The following SYNPR variants were observed in gnomAD, a reference collection of about 807,000 sequenced individuals.
SYNPR encodes synaptoporin.
Under a neutral mutation model 32.9 loss-of-function variants are expected in SYNPR, and 23 were observed. The ratio of observed to expected loss-of-function variants is 0.70; its 90% confidence interval spans 0.50 to 0.99. The LOEUF (loss-of-function observed/expected upper bound fraction) is 0.99. SYNPR is among the 50% of genes least tolerant of loss of function. SYNPR has a pLI of 0.00. For synonymous variants in SYNPR, 146 were observed against 135.9 expected, an observed-to-expected ratio of 1.07 and a Z score of -0.52; for missense variants, 318 against 349.3, an observed-to-expected ratio of 0.91 and a Z score of 0.71.
intron 2 of SYNPR, among the ~76,000 whole-genome samples, chr3:63,334,781 C>T (rs2106989431): frequency 6.6e-6 from 1 of 152,218 alleles, no homozygotes; most frequent in East Asian, 1.9e-4. Context: ...TTTGTAGCTA[C>T]TAAAATTATT....
At chr3:63,392,448 A>AT (rs1271520774) in intron 2 of SYNPR, among the ~76,000 whole-genome samples, 1 of 152,156 alleles carries the variant, frequency 6.6e-6, no homozygotes, top group African/African-American at 2.4e-5. Context: ...GTGTGTGTGC[A>AT]TTTTTTTATG....
intron 3 of SYNPR, among the ~76,000 whole-genome samples, chr3:63,492,313 T>C (rs1369009815): frequency 2.6e-5 from 4 of 152,110 alleles, no homozygotes; most frequent in Non-Finnish European, 5.9e-5. Context: ...CTCAGTTTCC[T>C]ACAAAATGAG....
At chr3:63,365,234 C>A (rs1461831860) in intron 2 of SYNPR, among the ~76,000 whole-genome samples, 3 of 152,070 alleles carry the variant, frequency 2.0e-5, no homozygotes, top group African/African-American at 7.2e-5. Flanking sequence ...CAGACTCTAC[C>A]AAATGACATC....
intron 2 of SYNPR, among the ~76,000 whole-genome samples, chr3:63,305,818 C>T (rs990810022): frequency 6.6e-6 from 1 of 151,972 alleles, no homozygotes. Context: ...GATAACTTAT[C>T]CTGGATTGCC....
chr3:63,240,048 A>G (rs1334481462), intron 1 of SYNPR, among the ~76,000 whole-genome samples: 1 of 152,144 alleles, frequency 6.6e-6, no homozygotes, highest in East Asian at 1.9e-4. Flanking sequence ...ATTATATGTG[A>G]GACAGGGGAG....
chr3:63,299,495 G>A (rs1016801507), intron 2 of SYNPR, among the ~76,000 whole-genome samples: 1 of 151,986 alleles, frequency 6.6e-6, no homozygotes, highest in African/African-American at 2.4e-5. Flanking sequence ...CACAGTTCGA[G>A]GGCCCAGTGC....
At chr3:63,223,535 C>T (rs376388129), upstream of SYNPR, among the ~76,000 whole-genome samples, 408 of 152,106 alleles carry the variant, frequency 2.7e-3, 1 homozygote, top group African/African-American at 3.4e-3. Context: ...AACAGACTAT[C>T]GCCATGGTTT....
intron 2 of SYNPR, among the ~76,000 whole-genome samples, chr3:63,354,219 T>G (rs552488501): frequency 1.3e-5 from 2 of 152,324 alleles, no homozygotes; most frequent in African/African-American, 4.8e-5. Flanking sequence ...ATTGCTTGCA[T>G]AAATAAGGGG....
intron 2 of SYNPR, among the ~76,000 whole-genome samples, chr3:63,338,675 G>C (rs1022285703): frequency 3.9e-5 from 6 of 152,130 alleles, no homozygotes; most frequent in Admixed American, 3.9e-4. Flanking sequence ...AAAAGCTGCA[G>C]CTCAAGAGAT....
chr3:63,339,877 G>A (rs1197607896), intron 2 of SYNPR, among the ~76,000 whole-genome samples: 6 of 152,050 alleles, frequency 3.9e-5, no homozygotes, highest in African/African-American at 1.4e-4. Context: ...GGCTGGTCTC[G>A]AACTCCTGAC....
At chr3:63,506,102 T>C (rs926944956) in intron 3 of SYNPR, among the ~76,000 whole-genome samples, 2 of 140,264 alleles carry the variant, frequency 1.4e-5, no homozygotes, top group Non-Finnish European at 3.0e-5. Context: ...TCCTTCCTTT[T>C]CTCCTTGCTT....
intron 4 of SYNPR, among the ~76,000 whole-genome samples, chr3:63,587,488 G>A (rs968936436): frequency 6.6e-6 from 1 of 152,002 alleles, no homozygotes; most frequent in African/African-American, 2.4e-5. Flanking sequence ...TTAATAATAG[G>A]ATTATGTTTT....
At position 63,278,680 on chromosome 3, in the gene SYNPR, G is replaced by A. The variant is rs760498932; in HGVS notation, c.22G>A (p.Ala8Thr). MDPVSQL[A>T]SAGTFRVLKE... Reference sequence around the variant, plus strand: ...CTCTCGCCTCATTCCCCCAAAGCTGGCCTCTGCGGGCACCTTCCGGGTGCT... The same window carrying A: ...CTCTCGCCTCATTCCCCCAAAGCTGACCTCTGCGGGCACCTTCCGGGTGCT... Residue 8 changes from alanine (A) to threonine (T), a missense_variant, in exon 2 of 6, where the codon GCC (alanine) becomes ACC (threonine). Physicochemically the swap from Ala to Thr is moderately conservative, Grantham distance 58. Coordinates refer to ENST00000478300, the MANE Select transcript of SYNPR (RefSeq NM_001130003.2). 79 of 1,551,546 alleles carry A rather than the reference G, an allele frequency of 5.1e-5. No individual in the cohort carries two copies. The highest frequency in any genetic ancestry group is 3.9e-5 in the Admixed American group (2 of 50,984).
At chr3:63,572,719 T>G (rs1483287791) in intron 4 of SYNPR, among the ~76,000 whole-genome samples, 1 of 152,194 alleles carries the variant, frequency 6.6e-6, no homozygotes, top group Non-Finnish European at 1.5e-5. Flanking sequence ...AAGGTTCTAT[T>G]AAATCAACCG....
chr3:63,559,166 C>A (rs1702642891), intron 4 of SYNPR, among the ~76,000 whole-genome samples: 1 of 149,750 alleles, frequency 6.7e-6, no homozygotes. Context: ...CTCCTGGGTT[C>A]AAATGATCTT....
At chr3:63,595,995 A>ATATATATAGTTTTATATATAGTTT (rs1407979131) in intron 4 of SYNPR, among the ~76,000 whole-genome samples, 3 of 131,822 alleles carry the variant, frequency 2.3e-5, no homozygotes, top group East Asian at 2.1e-4. Flanking sequence ...ATATAGTTTT[A>ATATATATAGTTTTATATATAGTTT]TATATATATA....
chr3:63,378,402 GA>G (rs2087920854), intron 2 of SYNPR, among the ~76,000 whole-genome samples: 1 of 151,924 alleles, frequency 6.6e-6, no homozygotes, highest in African/African-American at 2.4e-5. Context: ...ACCATTCATT[GA>G]AAAGGCTATT....
intron 2 of SYNPR, among the ~76,000 whole-genome samples, chr3:63,281,784 C>T (rs549692296): frequency 6.6e-6 from 1 of 152,120 alleles, no homozygotes. Flanking sequence ...ATATTTATTG[C>T]AACATCATCT....
chr3:63,447,593 T>C (rs1700301475), intron 2 of SYNPR, among the ~76,000 whole-genome samples: 1 of 152,168 alleles, frequency 6.6e-6, no homozygotes, highest in Non-Finnish European at 1.5e-5. Context: ...GAGCCTGAAA[T>C]CAGCACATGA....
Sources: gnomAD v4.1 joint callset for allele counts (sites outside exome capture counted in the v4.1 genomes callset) on GRCh38, gnomAD v4.1.1 for gene constraint, MANE v1.5 for transcripts, NCBI Gene and HGNC (gene_info 2026-07-23, HGNC 2026-07-21) for gene names.